The following CPNE4 variants were observed in gnomAD, a reference collection of about 807,000 sequenced individuals.
CPNE4 encodes the protein copine-4.
CPNE4 carries 25 observed loss-of-function variants against 67.9 expected under a neutral mutation model. The ratio of observed to expected loss-of-function variants is 0.37; its 90% CI spans 0.27 to 0.51. The LOEUF is 0.51. Ranked by LOEUF, CPNE4 falls within the 20% of genes least tolerant of loss-of-function variation. The pLI is 0.93. For synonymous variants in CPNE4, 242 were observed against 244.9 expected, an observed-to-expected ratio of 0.99 and a Z score of 0.11; for missense variants, 464 against 690.8, an observed-to-expected ratio of 0.67 and a Z score of 3.68.
intron 1 of CPNE4, among the ~76,000 whole-genome samples, chr3:131,999,251 A>C (rs1177042960): frequency 9.7e-6 from 1 of 103,500 alleles, no homozygotes; most frequent in East Asian, 5.2e-4. Flanking sequence ...TAAAAAAAAA[A>C]AAAAAAAAAA....
upstream of CPNE4, among the ~76,000 whole-genome samples, chr3:132,035,998 C>T (rs942948491): frequency 3.9e-5 from 6 of 152,152 alleles, no homozygotes; most frequent in Non-Finnish European, 8.8e-5. Context: ...ATGAAGTTCT[C>T]AATTTCAAAG....
chr3:131,686,614 CTT>C (rs56288643), intron 5 of CPNE4, among the ~76,000 whole-genome samples: 3,298 of 152,258 alleles, frequency 0.022, 74 homozygotes, highest in African/African-American at 0.05. Flanking sequence ...TTCTGATTTC[CTT>C]TACTCCTTGG....
At chr3:131,739,391 T>C (rs186927406) in intron 2 of CPNE4, among the ~76,000 whole-genome samples, 2 of 152,290 alleles carry the variant, frequency 1.3e-5, no homozygotes, top group Admixed American at 1.3e-4. Context: ...CTCGTGTACA[T>C]TTTCCCCTCT....
chr3:131,995,192 A>C (rs2073259805), intron 1 of CPNE4, among the ~76,000 whole-genome samples: 1 of 152,154 alleles, frequency 6.6e-6, no homozygotes, highest in South Asian at 2.1e-4. Flanking sequence ...TCACACACAC[A>C]AACACACACA....
intron 1 of CPNE4, among the ~76,000 whole-genome samples, chr3:131,948,509 G>A (rs2071626926): frequency 2.0e-5 from 3 of 152,114 alleles, no homozygotes; most frequent in Admixed American, 2.0e-4. Flanking sequence ...TGTGAAAACG[G>A]ACTAATACAG....
intron 2 of CPNE4, among the ~76,000 whole-genome samples, chr3:131,803,691 C>G (rs1042865447): frequency 1.1e-4 from 16 of 152,138 alleles, no homozygotes; most frequent in African/African-American, 3.9e-4. Context: ...AAGCTCATAC[C>G]CAAGCTGAGG....
Position 131,905,377 on chromosome 3 carries a change from G to A in CPNE4, c.67C>T (p.Leu23=). 1.2e-6 allele frequency: 2 copies of A among 1,613,524 alleles called. No homozygotes were observed. The highest frequency in any genetic ancestry group is 1.7e-6 in the Non-Finnish European group (2 of 1,179,686). The change falls in exon 2 of 16, where the codon CTG becomes TTG. Residue 23 remains leucine (L), a synonymous_variant. Coordinates refer to ENST00000429747, the MANE Select transcript of CPNE4 (RefSeq NM_130808.3). ...GCCACACGCAGCTCAACTTTGGTCA[G>A]GCAGGGGCTGTTAAAGATTCCCAGT... The part of the protein sequence containing the change: ...NTLGIFNSPC[L]TKVELRVACK...
chr3:131,656,978 A>G (rs2079988097), intron 7 of CPNE4, among the ~76,000 whole-genome samples: 1 of 152,200 alleles, frequency 6.6e-6, no homozygotes, highest in African/African-American at 2.4e-5. Context: ...CTGTTAAGAA[A>G]AATTATCCAC....
At chr3:131,785,675 C>CTCTT (rs1352574499) in intron 2 of CPNE4, among the ~76,000 whole-genome samples, 2 of 26,502 alleles carry the variant, frequency 7.5e-5, no homozygotes, top group African/African-American at 1.7e-4. Context: ...CTCTCTTTCT[C>CTCTT]TCTCTCTCTC....
chr3:131,973,095 G>C (rs1208574529), intron 1 of CPNE4, among the ~76,000 whole-genome samples: 1 of 152,116 alleles, frequency 6.6e-6, no homozygotes, highest in Non-Finnish European at 1.5e-5. Context: ...AGCAGAGTGG[G>C]ATTTAGCATA....
intron 2 of CPNE4, among the ~76,000 whole-genome samples, chr3:131,779,769 C>G (rs538772295): frequency 6.6e-6 from 1 of 152,006 alleles, no homozygotes; most frequent in Non-Finnish European, 1.5e-5. Context: ...TGGACATTGA[C>G]TTGGACAAAG....
chr3:131,911,769 A>T (rs2088989127), intron 1 of CPNE4, among the ~76,000 whole-genome samples: 1 of 152,166 alleles, frequency 6.6e-6, no homozygotes, highest in Admixed American at 6.5e-5. Flanking sequence ...AATTATACTC[A>T]GGGTCCACAG....
chr3:131,546,251 C>T (rs749219312), intron 14 of CPNE4, among the ~76,000 whole-genome samples: 3 of 152,292 alleles, frequency 2.0e-5, no homozygotes, highest in Admixed American at 1.3e-4. Context: ...AGGCTGTAGA[C>T]TGCAGGATCG....
chr3:131,822,500 A>T (rs1387308664), intron 2 of CPNE4, among the ~76,000 whole-genome samples: 1 of 152,216 alleles, frequency 6.6e-6, no homozygotes, highest in Non-Finnish European at 1.5e-5. Context: ...CATTAATTTA[A>T]CAAGGAGAAG....
intron 7 of CPNE4, among the ~76,000 whole-genome samples, chr3:131,621,740 C>T (rs1467564292): frequency 2.6e-5 from 4 of 151,974 alleles, no homozygotes; most frequent in Admixed American, 2.6e-4. Context: ...GGCACGGTGG[C>T]TCACACCTGT....
chr3:131,876,096 A>G (rs149244930), intron 2 of CPNE4, among the ~76,000 whole-genome samples: 1 of 152,110 alleles, frequency 6.6e-6, no homozygotes, highest in African/African-American at 2.4e-5. Context: ...CTACAAGGTC[A>G]GGTGTGGTGG....
At chr3:131,928,465 G>A (rs1456477716) in intron 1 of CPNE4, among the ~76,000 whole-genome samples, 4 of 152,160 alleles carry the variant, frequency 2.6e-5, no homozygotes, top group African/African-American at 7.2e-5. Flanking sequence ...TTTCAAGCCA[G>A]TGACCCCCAA....
chr3:131,842,088 A>G (rs952824827), intron 2 of CPNE4, among the ~76,000 whole-genome samples: 1 of 152,174 alleles, frequency 6.6e-6, no homozygotes, highest in African/African-American at 2.4e-5. Flanking sequence ...TGGGCCTTAG[A>G]GTGCCTGGGC....
chr3:131,832,840 G>C (rs546273981), intron 2 of CPNE4, among the ~76,000 whole-genome samples: 6 of 152,300 alleles, frequency 3.9e-5, no homozygotes, highest in East Asian at 1.9e-4. Context: ...AGGATGTAAT[G>C]AATGTATTTT....
Sources: allele counts gnomAD v4.1 joint callset (sites outside exome capture counted in the v4.1 genomes callset), GRCh38; gene constraint gnomAD v4.1.1; transcripts MANE v1.5; gene names NCBI Gene and HGNC (gene_info 2026-07-23, HGNC 2026-07-21).